Variants in NOMO2 observed in about 807,000 individuals in gnomAD.
The protein encoded by NOMO2 is BOS complex subunit NOMO2.
A neutral mutation model predicts 67.1 loss-of-function variants in NOMO2; 14 were observed. The observed-to-expected ratio is 0.21, with a 90% confidence interval of 0.14 to 0.33. NOMO2 has a LOEUF of 0.33. Among genes scored for constraint, NOMO2 ranks in the 10% least tolerant of loss-of-function variants. NOMO2 has a pLI of 1.00. For missense variants in NOMO2, 178 were observed against 761.0 expected, an observed-to-expected ratio of 0.23 and a Z score of 9.01; for synonymous variants, 80 against 305.9, an observed-to-expected ratio of 0.26 and a Z score of 7.71.
At chr16:18,534,340 TAAA>T (rs1378668558) in intron 11 of NOMO2, among the ~76,000 whole-genome samples, 1 of 147,646 alleles carries the variant, frequency 6.8e-6, no homozygotes, top group East Asian at 2.0e-4. Context: ...TGGTTAAAGT[TAAA>T]AAAAAAAAAT....
chr16:18,525,032 G>C (rs1342564454), intron 16 of NOMO2, among the ~76,000 whole-genome samples: 1 of 148,386 alleles, frequency 6.7e-6, no homozygotes, highest in African/African-American at 2.5e-5. Context: ...AGGACACTCC[G>C]AGTAGGGGTA....
chr16:18,551,950 C>A (rs534531065), intron 3 of NOMO2, among the ~76,000 whole-genome samples: 2 of 151,682 alleles, frequency 1.3e-5, no homozygotes, highest in East Asian at 3.9e-4. Context: ...GCAGTAATAG[C>A]TGCAATTTAC....
Position 18,540,407 on chromosome 16 carries a change from C to T in NOMO2, c.964-1443G>A, listed in dbSNP as rs1379990724. Among the ~76,000 whole-genome samples the T allele has an allele frequency of 5.9e-5, 9 of 151,982 alleles. No homozygotes were observed. In the South Asian group the frequency reaches 1.3e-3, roughly 21 times the overall value. On this transcript the variant is annotated intron_variant, in intron 9 of 30. Transcript: ENST00000622306. ...TAGGAAAACAGTAAAGAATAAGACA[C>T]GGTACCTGACCTCAGGGAACTTACA... is the stretch of plus-strand genomic sequence containing the variant.
chr16:18,535,242 G>A lies in NOMO2; in HGVS notation c.1221-2063C>T, dbSNP rs539683528. Among the ~76,000 whole-genome samples the A allele has an allele frequency of 8.0e-5, 12 of 149,662 alleles. No individual in the cohort carries two copies. In the South Asian group the frequency reaches 2.0e-3, roughly 24 times the overall value. On this transcript the variant is annotated intron_variant, in intron 11 of 30. Coordinates refer to ENST00000622306, the MANE Select transcript of NOMO2 (RefSeq NM_173614.4). The stretch of plus-strand genomic sequence containing the variant: ...TGGGGCAGGAGAATCACTTGAACCC[G>A]AGAGGCGGAGGCTGCAGTGAGCCGA...
intron 14 of NOMO2, 126 bp from the exon 15 acceptor site, chr16:18,529,763 T>C (rs1423437752): frequency 6.1e-6 from 4 of 652,604 alleles, no homozygotes; most frequent in African/African-American, 3.6e-5. Flanking sequence ...GACATAAAGA[T>C]AGAAATATAC....
At chr16:18,559,132 C>T (rs1236773831) in intron 1 of NOMO2, among the ~76,000 whole-genome samples, 1 of 151,884 alleles carries the variant, frequency 6.6e-6, no homozygotes, top group Non-Finnish European at 1.5e-5. Flanking sequence ...CACTATACTC[C>T]AGCCTGAGCA....
chr16:18,553,936 C>T (rs1009323661), intron 3 of NOMO2, among the ~76,000 whole-genome samples: 12 of 144,994 alleles, frequency 8.3e-5, no homozygotes, highest in Non-Finnish European at 1.7e-4. Context: ...GTCTAATGCA[C>T]GAGCAAGCCT....
chr16:18,540,283 A>G (rs1457757116), intron 9 of NOMO2, among the ~76,000 whole-genome samples: 1 of 148,226 alleles, frequency 6.7e-6, no homozygotes, highest in Non-Finnish European at 1.5e-5. Flanking sequence ...CCAAAAAGAC[A>G]TGTTTCATTC....
rs770801423 is a variant in NOMO2, at chr16:18,543,735, G to T, written c.617C>A (p.Ala206Asp). 6 of 1,609,704 alleles carry T rather than the reference G, an allele frequency of 3.7e-6. No homozygotes were observed. Among genetic ancestry groups the T allele is most frequent in the Non-Finnish European group, 5.1e-6 (6 of 1,178,940 alleles). The change falls in exon 7 of 31, where the codon GCC becomes GAC. Residue 206 changes from alanine (A) to aspartate (D), a missense_variant. Physicochemically the swap from Ala to Asp is moderately radical, Grantham distance 126. Transcript: ENST00000622306. ...AACTATGAGGGGACTGGCCGCATTG[G>T]CATTGGAGTTGGTTACACGCACTGT... Reference protein sequence around the residue: ...STTVRVTNSNANAASPLIVAG... With the variant: ...STTVRVTNSNDNAASPLIVAG...
At chr16:18,528,252 A>AC (rs1901194234) in intron 15 of NOMO2, among the ~76,000 whole-genome samples, 1 of 150,344 alleles carries the variant, frequency 6.7e-6, no homozygotes, top group African/African-American at 2.4e-5. Flanking sequence ...AGAAGGGGTT[A>AC]AGGAAGTGTC....
intron 11 of NOMO2, chr16:18,533,629 G>C (rs1901355401): frequency 6.0e-6 from 1 of 166,048 alleles, no homozygotes; most frequent in Non-Finnish European, 1.3e-5. Context: ...AATAAGTCAG[G>C]ATTATCAAAG....
intron 2 of NOMO2, among the ~76,000 whole-genome samples, chr16:18,556,961 A>C (rs1206644238): frequency 6.6e-6 from 1 of 151,940 alleles, no homozygotes; most frequent in African/African-American, 2.4e-5. Flanking sequence ...CCCCGTCACT[A>C]TTAAAAATAC....
intron 9 of NOMO2, among the ~76,000 whole-genome samples, chr16:18,540,426 A>C (rs1315115533): frequency 1.3e-5 from 2 of 151,802 alleles, no homozygotes; most frequent in Non-Finnish European, 2.9e-5. Flanking sequence ...ACCTCAGGGA[A>C]CTTACAGGGC....
At chr16:18,554,036 C>T (rs1901850295) in intron 3 of NOMO2, among the ~76,000 whole-genome samples, 1 of 150,818 alleles carries the variant, frequency 6.6e-6, no homozygotes, top group South Asian at 2.1e-4. Flanking sequence ...AGAGTCTCTC[C>T]TCTTCAAAAA....
intron 15 of NOMO2, chr16:18,528,197 C>A: frequency 2.9e-6 from 1 of 346,680 alleles, no homozygotes; most frequent in South Asian, 2.0e-5. Context: ...CAGAGGACCA[C>A]TGTGGCTGGG....
intron 1 of NOMO2, chr16:18,558,620 A>G (rs906857873): frequency 1.4e-5 from 3 of 210,554 alleles, no homozygotes; most frequent in African/African-American, 4.5e-5. Flanking sequence ...GAAGAAAAAG[A>G]GACTAAAAAG....
At position 18,533,140 on chromosome 16, in the gene NOMO2, C is replaced by T. The variant is rs370942; in HGVS notation, c.1260G>A (p.Pro420=). The change falls in exon 12 of 31, where the codon CCG becomes CCA. Residue 420 remains proline (P), a synonymous_variant. Coordinates refer to ENST00000622306, the MANE Select transcript of NOMO2 (RefSeq NM_173614.4). ...ATTTATTCATCTGCTTGACGGTGTC[C>T]GGGAAGCGAATGATTGATATCCGAC... ...VCGRISIIRF[P]DTVKQMNKYK... is the part of the protein sequence containing the mutation. 329 of 1,611,348 alleles carry T rather than the reference C, an allele frequency of 2.0e-4. No homozygotes were observed. The highest frequency in any genetic ancestry group is 2.6e-4 in the Non-Finnish European group (307 of 1,179,702).
At chr16:18,541,233 TC>T (rs1163092202) in intron 9 of NOMO2, among the ~76,000 whole-genome samples, 18 of 101,914 alleles carry the variant, frequency 1.8e-4, no homozygotes, top group African/African-American at 4.8e-4. Flanking sequence ...CACCCTGGCC[TC>T]CTTGGGATGC....
chr16:18,553,522 G>A (rs1395184301), intron 3 of NOMO2, among the ~76,000 whole-genome samples: 4 of 151,416 alleles, frequency 2.6e-5, no homozygotes, highest in Admixed American at 6.6e-5. Flanking sequence ...AGGGTGGGGC[G>A]GGATGGCTAA....
Sources: gnomAD v4.1 joint callset for allele counts (sites outside exome capture counted in the v4.1 genomes callset) on GRCh38, gnomAD v4.1.1 for gene constraint, MANE v1.5 for transcripts, NCBI Gene and HGNC (gene_info 2026-07-23, HGNC 2026-07-21) for gene names.